Variants in HMGXB3 observed in about 807,000 individuals in gnomAD.
HMGXB3 encodes the protein HMG domain-containing protein 3.
In HMGXB3, 45 loss-of-function variants were observed where a neutral mutation model predicts 121.5. The observed-to-expected ratio is 0.37, with a 90% CI of 0.29 to 0.47. The LOEUF (loss-of-function observed/expected upper bound fraction) is 0.47. HMGXB3 is among the 20% of genes least tolerant of loss of function. HMGXB3 has a pLI of 0.99. For missense variants in HMGXB3, 1,376 were observed against 1,602.2 expected (o/e 0.86, Z 2.41); for synonymous variants, 590 against 624.1 (o/e 0.95, Z 0.81).
At position 150,001,075 on chromosome 5, in the gene HMGXB3, C is replaced by G; in HGVS notation, c.-107C>G. On this transcript the variant is annotated 5_prime_UTR_variant, in exon 1 of 20. Coordinates refer to ENST00000502717, the MANE Select transcript of HMGXB3 (RefSeq NM_014983.3). The stretch of plus-strand genomic sequence containing the variant: ...GCTGCTGTCACGACTGGAGCCGCCT[C>G]TCGCCGACAGCGGGGAGCGCGAGTG... 1 of 154,446 alleles carries G rather than the reference C, an allele frequency of 6.5e-6. No homozygotes were observed. The highest frequency in any genetic ancestry group is 5.6e-4 in the Middle Eastern group (1 of 1,782). 9.6% of individuals were successfully genotyped at this position (154,446 alleles called of 1,614,324 possible).
chr5:150,023,546 G>A (rs1483444089), intron 6 of HMGXB3, among the ~76,000 whole-genome samples: 2 of 152,206 alleles, frequency 1.3e-5, no homozygotes, highest in African/African-American at 4.8e-5. Flanking sequence ...GCGTATGTGT[G>A]TATATATAAT....
rs1755802589 is a variant in HMGXB3 at position 150,010,442 on chromosome 5, T to C, written c.644T>C (p.Leu215Pro). The C allele has an allele frequency of 1.3e-6, 2 of 1,551,454 alleles. No individual in the cohort carries two copies. The highest frequency in any genetic ancestry group is 1.4e-5 in the African/African-American group (1 of 73,002). ...TCAGAGATCCTCAGCCAGGATGTGC[T>C]CCTAGAGGACGCTTCCCTAGAAGTA... is the stretch of plus-strand genomic sequence containing the variant. ...ATSEILSQDV[L>P]LEDASLEVGE... Residue 215 changes from leucine (L) to proline (P), a missense_variant, in exon 4 of 20, where the codon CTC becomes CCC. Leu to Pro is a moderately conservative substitution (Grantham distance 98). Transcript: ENST00000502717.
At chr5:150,025,306 C>T (rs1451366809) in intron 7 of HMGXB3, among the ~76,000 whole-genome samples, 2 of 152,174 alleles carry the variant, frequency 1.3e-5, no homozygotes, top group Admixed American at 6.5e-5. Context: ...TATATCCCTT[C>T]CCTGAGGAAG....
chr5:150,036,889 C>A lies in HMGXB3; in HGVS notation c.2237C>A (p.Ser746Tyr). ...TSWSNYYESP[S>Y]TQCLLCSSPL... Reference sequence around the variant, plus strand: ...TGGTCGAATTATTATGAGTCTCCGTCCACGCAGTGCCTTCTCTGTAGCAGC... The same window carrying A: ...TGGTCGAATTATTATGAGTCTCCGTACACGCAGTGCCTTCTCTGTAGCAGC... The change falls in exon 12 of 20, where the codon TCC (serine) becomes TAC (tyrosine). Residue 746 changes from serine to tyrosine, a missense_variant. Physicochemically the swap from Ser to Tyr is moderately radical, Grantham distance 144 (BLOSUM62 -2). Coordinates refer to ENST00000502717, the MANE Select transcript of HMGXB3 (RefSeq NM_014983.3). 6.4e-7 allele frequency: 1 copy of A among 1,551,670 alleles called. No individual in the cohort carries two copies. Among genetic ancestry groups the A allele is most frequent in the Non-Finnish European group, 8.7e-7 (1 of 1,146,982 alleles).
chr5:150,010,677 A>T (rs975720559), intron 4 of HMGXB3, 69 bp downstream of exon 4: 5 of 1,418,630 alleles, frequency 3.5e-6, no homozygotes, highest in Non-Finnish European at 4.7e-6. Context: ...AGCACCATAC[A>T]GTGTGATTCC....
chr5:150,031,339 C>T (rs80065382), intron 10 of HMGXB3, among the ~76,000 whole-genome samples: 9 of 152,224 alleles, frequency 5.9e-5, no homozygotes, highest in Admixed American at 4.6e-4. Flanking sequence ...CACATATTAA[C>T]GTCCTAATGG....
intron 9 of HMGXB3, among the ~76,000 whole-genome samples, chr5:150,027,447 T>A (rs916372456): frequency 1.1e-4 from 16 of 152,230 alleles, no homozygotes; most frequent in African/African-American, 3.9e-4. Flanking sequence ...TGTTCATGTG[T>A]GTCCCCCCAC....
intron 10 of HMGXB3, among the ~76,000 whole-genome samples, chr5:150,031,605 A>G (rs887472876): frequency 6.6e-6 from 1 of 152,232 alleles, no homozygotes; most frequent in Admixed American, 6.5e-5. Context: ...TAAAGTATCA[A>G]CCAGCAAGAT....
chr5:150,031,024 G>C (rs1756363839), intron 10 of HMGXB3, among the ~76,000 whole-genome samples, 185 bp downstream of exon 10: 1 of 152,130 alleles, frequency 6.6e-6, no homozygotes, highest in Non-Finnish European at 1.5e-5. Flanking sequence ...GAATCTGCTG[G>C]GTTGTTTTGG....
intron 17 of HMGXB3, 80 bp downstream of exon 17, chr5:150,047,837 T>G: frequency 6.9e-7 from 1 of 1,459,032 alleles, no homozygotes; most frequent in Non-Finnish European, 9.4e-7. Context: ...GGGATATGAA[T>G]ATCTGTGATG....
In HMGXB3 at chr5:150,010,470, G is replaced by A. The variant is rs1755803383; in HGVS notation, c.672G>A (p.Gly224=). 6.4e-7 allele frequency: 1 copy of A among 1,551,554 alleles called. No homozygotes were observed. Among genetic ancestry groups the A allele is most frequent in the African/African-American group, 1.4e-5 (1 of 73,048 alleles). Residue 224 remains glycine (G), a synonymous_variant, in exon 4 of 20, where the codon GGG becomes GGA. Coordinates refer to ENST00000502717, the MANE Select transcript of HMGXB3 (RefSeq NM_014983.3). The stretch of plus-strand genomic sequence containing the variant: ...TAGAGGACGCTTCCCTAGAAGTAGG[G>A]GAGAGCCACCAACCTTACCAGACAA... The part of the protein sequence containing the change: ...VLLEDASLEV[G]ESHQPYQTSL...
At chr5:150,048,964 G>T (rs1421414788) in intron 18 of HMGXB3, among the ~76,000 whole-genome samples, 1 of 152,214 alleles carries the variant, frequency 6.6e-6, no homozygotes, top group East Asian at 1.9e-4. Context: ...CTCCCTAGTT[G>T]ACCGTATATT....
intron 1 of HMGXB3, among the ~76,000 whole-genome samples, chr5:150,003,578 C>T (rs7734351): frequency 6.6e-6 from 1 of 151,450 alleles, no homozygotes; most frequent in African/African-American, 2.4e-5. Context: ...GATTTCATCT[C>T]TATTATTATT....
chr5:150,022,220 T>C (rs1042785636), intron 6 of HMGXB3, among the ~76,000 whole-genome samples: 1 of 152,238 alleles, frequency 6.6e-6, no homozygotes, highest in African/African-American at 2.4e-5. Context: ...TCTTGAATTC[T>C]GATTTTTGAG....
intron 6 of HMGXB3, among the ~76,000 whole-genome samples, chr5:150,023,880 G>A (rs549959265): frequency 6.6e-6 from 1 of 152,210 alleles, no homozygotes; most frequent in Non-Finnish European, 1.5e-5. Context: ...AACAACTTAG[G>A]GCTTTTAGGC....
chr5:150,004,570 G>T (rs1755653154), intron 1 of HMGXB3, among the ~76,000 whole-genome samples: 1 of 152,154 alleles, frequency 6.6e-6, no homozygotes, highest in Non-Finnish European at 1.5e-5. Context: ...TATTTCTAAG[G>T]CAGTGGTCAC....
At chr5:150,001,579 T>C (rs1348075331) in intron 1 of HMGXB3, among the ~76,000 whole-genome samples, 1 of 152,184 alleles carries the variant, frequency 6.6e-6, no homozygotes, top group Non-Finnish European at 1.5e-5. Context: ...TTGCTTAAGG[T>C]CAGAGGTCCC....
intron 10 of HMGXB3, 112 bp downstream of exon 10, chr5:150,030,951 G>A: frequency 1.4e-6 from 1 of 711,118 alleles, no homozygotes; most frequent in Non-Finnish European, 2.5e-6. Context: ...AGGGAGAACA[G>A]GGTCAGGTAT....
At position 150,037,350 on chromosome 5, in the gene HMGXB3, A is replaced by G. The variant is rs759776331; in HGVS notation, c.2286-50A>G. On this transcript the variant is annotated intron_variant, in intron 12 of 19. Transcript: ENST00000502717. ...ATCACTGAGCCCTGGAACTCCATAA[A>G]GAAGTCTCTTTCCCTTCTTTTTTTT... 22 of 1,472,224 alleles carry G rather than the reference A, an allele frequency of 1.5e-5. No individual in the cohort carries two copies. In the South Asian group the frequency reaches 3.0e-4, roughly 20 times the overall value. The allele number at this position is 1,472,224 out of a possible 1,614,324, so 91.2% of individuals were successfully genotyped here. A position where few individuals can be genotyped will look rare whatever the true frequency, so the allele number is the denominator to read the frequency against.
Sources: gnomAD v4.1 joint callset for allele counts (sites outside exome capture counted in the v4.1 genomes callset) on GRCh38, gnomAD v4.1.1 for gene constraint, MANE v1.5 for transcripts, NCBI Gene and HGNC (gene_info 2026-07-23, HGNC 2026-07-21) for gene names.